The following DNAJC5B variants were observed in gnomAD, a reference collection of about 807,000 sequenced individuals.
The protein encoded by DNAJC5B is DnaJ heat shock protein family (Hsp40) member C5 beta.
Under a neutral mutation model 24.7 loss-of-function variants are expected in DNAJC5B, and 23 were observed. The observed-to-expected ratio is 0.93, with a 90% confidence interval of 0.67 to 1.32. The LOEUF is 1.32. Ranked by LOEUF, DNAJC5B falls within the 40% of genes most tolerant of loss-of-function variation. DNAJC5B has a pLI of 0.00. For missense variants in DNAJC5B, 238 were observed against 240.8 expected, an observed-to-expected ratio of 0.99 and a Z score of 0.08; for synonymous variants, 101 against 90.1, an observed-to-expected ratio of 1.12 and a Z score of -0.68.
chr8:66,054,309 T>G (rs1030318602), intron 3 of DNAJC5B, among the ~76,000 whole-genome samples: 3 of 152,240 alleles, frequency 2.0e-5, no homozygotes, highest in African/African-American at 4.8e-5. Context: ...TGTTAGTCAT[T>G]TATGACTTTT....
upstream of DNAJC5B, among the ~76,000 whole-genome samples, chr8:66,019,267 A>G (rs997508550): frequency 2.0e-5 from 3 of 152,260 alleles, no homozygotes; most frequent in African/African-American, 7.2e-5. Flanking sequence ...CCTTTCAAGC[A>G]AGTTTTGAGA....
At chr8:66,043,821 CTTT>C (rs11449089) in intron 2 of DNAJC5B, among the ~76,000 whole-genome samples, 9 of 130,634 alleles carry the variant, frequency 6.9e-5, no homozygotes, top group Non-Finnish European at 9.7e-5. Context: ...TGAAAAGAAC[CTTT>C]TTTTTTTTTT....
intron 5 of DNAJC5B, among the ~76,000 whole-genome samples, chr8:66,082,944 C>G (rs189803301): frequency 6.6e-6 from 1 of 151,884 alleles, no homozygotes; most frequent in Admixed American, 6.5e-5. Flanking sequence ...GGCTGCACAT[C>G]CATTGATTGC....
At chr8:66,023,329 G>A (rs1806182936) in intron 1 of DNAJC5B, among the ~76,000 whole-genome samples, 1 of 152,088 alleles carries the variant, frequency 6.6e-6, no homozygotes, top group African/African-American at 2.4e-5. Flanking sequence ...TATCACCTTG[G>A]TGTGGTTATT....
intron 3 of DNAJC5B, among the ~76,000 whole-genome samples, chr8:66,055,934 G>C (rs1806953384): frequency 6.6e-6 from 1 of 152,208 alleles, no homozygotes; most frequent in South Asian, 2.1e-4. Context: ...GGGTGACAGA[G>C]TGAGACTGTG....
intron 2 of DNAJC5B, among the ~76,000 whole-genome samples, 178 bp downstream of exon 2, chr8:66,043,789 A>C (rs1806666664): frequency 6.8e-6 from 1 of 147,342 alleles, no homozygotes; most frequent in Non-Finnish European, 1.5e-5. Context: ...TCAGGTTGCC[A>C]TTTATATAAG....
At chr8:66,053,203 C>T (rs139266917) in intron 3 of DNAJC5B, among the ~76,000 whole-genome samples, 11 of 152,242 alleles carry the variant, frequency 7.2e-5, no homozygotes, top group South Asian at 2.1e-4. Context: ...ACCCAAAGTG[C>T]CAGGAGAGCT....
At chr8:66,030,800 C>T (rs1474606339) in intron 1 of DNAJC5B, among the ~76,000 whole-genome samples, 1 of 152,152 alleles carries the variant, frequency 6.6e-6, no homozygotes, top group African/African-American at 2.4e-5. Flanking sequence ...CCATGCCCTG[C>T]TAATTTTTGT....
At chr8:66,085,783 T>C (rs1438453576) in intron 5 of DNAJC5B, among the ~76,000 whole-genome samples, 1 of 152,142 alleles carries the variant, frequency 6.6e-6, no homozygotes, top group African/African-American at 2.4e-5. Context: ...TTCTAGTATC[T>C]TTGCTTTTCC....
intron 5 of DNAJC5B, among the ~76,000 whole-genome samples, chr8:66,096,519 T>G (rs1807957225): frequency 6.6e-6 from 1 of 152,190 alleles, no homozygotes; most frequent in African/African-American, 2.4e-5. Flanking sequence ...GTTCTTTCGA[T>G]TTTTGATTTA....
intron 3 of DNAJC5B, chr8:66,057,169 T>TA (rs1460518338): frequency 2.6e-5 from 4 of 151,202 alleles, no homozygotes; most frequent in African/African-American, 9.7e-5. Context: ...GTAACCATCA[T>TA]AAAAAATTCA....
At chr8:66,061,610 AGTGTGTGTGT>A (rs975887880) in intron 3 of DNAJC5B, among the ~76,000 whole-genome samples, 1 of 144,964 alleles carries the variant, frequency 6.9e-6, no homozygotes, top group African/African-American at 2.6e-5. Context: ...AGAGAGAGAG[AGTGTGTGTGT>A]GTGTGTGTGT....
chr8:66,038,627 A>G (rs1232405639), intron 1 of DNAJC5B, among the ~76,000 whole-genome samples: 1 of 152,202 alleles, frequency 6.6e-6, no homozygotes, highest in Non-Finnish European at 1.5e-5. Context: ...AACATTCACT[A>G]AAAAGGACTA....
At chr8:66,077,584 CTA>C (rs1338588632) in intron 4 of DNAJC5B, among the ~76,000 whole-genome samples, 1 of 152,150 alleles carries the variant, frequency 6.6e-6, no homozygotes, top group African/African-American at 2.4e-5. Context: ...TCTGATAAAA[CTA>C]TGTTTACACA....
At chr8:66,073,106 T>G (rs1414258021) in intron 3 of DNAJC5B, among the ~76,000 whole-genome samples, 2 of 152,136 alleles carry the variant, frequency 1.3e-5, no homozygotes, top group Non-Finnish European at 2.9e-5. Flanking sequence ...TCACTTGAGC[T>G]TATATAATTG....
intron 5 of DNAJC5B, among the ~76,000 whole-genome samples, chr8:66,085,895 C>T (rs1807713803): frequency 6.6e-6 from 1 of 152,126 alleles, no homozygotes; most frequent in Non-Finnish European, 1.5e-5. Flanking sequence ...AAAGAATTGA[C>T]ATCTTTACTA....
chr8:66,094,128 A>G (rs1376217017), intron 5 of DNAJC5B, among the ~76,000 whole-genome samples: 1 of 152,118 alleles, frequency 6.6e-6, no homozygotes, highest in Non-Finnish European at 1.5e-5. Flanking sequence ...CTTGTACTTC[A>G]GGTGAGTCAT....
chr8:66,015,484 G>T, the DNAJC5B span, among the ~76,000 whole-genome samples: 1 of 151,966 alleles, frequency 6.6e-6, no homozygotes. Context: ...TGGGGTTCAG[G>T]GAGGTTTCAT....
intron 3 of DNAJC5B, among the ~76,000 whole-genome samples, chr8:66,067,214 C>G (rs919641646): frequency 6.6e-6 from 1 of 150,810 alleles, no homozygotes; most frequent in Non-Finnish European, 1.5e-5. Flanking sequence ...CCCCCACCCC[C>G]ACATATTTTA....
Sources: allele counts gnomAD v4.1 joint callset (sites outside exome capture counted in the v4.1 genomes callset), GRCh38; gene constraint gnomAD v4.1.1; transcripts MANE v1.5; gene names NCBI Gene and HGNC (gene_info 2026-07-23, HGNC 2026-07-21).